YAP1: variants seen among roughly 807,000 people sequenced by gnomAD.
The protein encoded by YAP1 is Yes1 associated transcriptional regulator, also known as transcriptional coactivator YAP1.
A neutral mutation model predicts 56.9 loss-of-function variants in YAP1; 5 were observed. The observed-to-expected ratio is 0.09, with a 90% confidence interval of 0.05 to 0.18. The LOEUF (loss-of-function observed/expected upper bound fraction) is 0.18. YAP1 is among the 10% of genes least tolerant of loss of function. The pLI is 1.00. For missense variants in YAP1, 539 were observed against 651.8 expected, an observed-to-expected ratio of 0.83 and a Z score of 1.88; for synonymous variants, 265 against 248.1, an observed-to-expected ratio of 1.07 and a Z score of -0.64.
intron 2 of YAP1, among the ~76,000 whole-genome samples, chr11:102,143,426 G>A (rs1945129931): frequency 6.6e-6 from 1 of 152,076 alleles, no homozygotes; most frequent in Admixed American, 6.6e-5. Context: ...GATATGATTG[G>A]CATATACTTT....
Position 102,229,748 on chromosome 11 carries a change from C to G in YAP1, c.1323C>G (p.Phe441Leu). 6.2e-7 allele frequency: 1 copy of G among 1,614,136 alleles called. No individual in the cohort carries two copies. Among genetic ancestry groups the G allele is most frequent in the Non-Finnish European group, 8.5e-7 (1 of 1,179,992 alleles). ...CCCTGCCCTCACAGCAGAACCGTTT[C>G]CCAGACTACCTTGAAGCCATTCCTG... Reference protein sequence around the residue: ...QSTLPSQQNRFPDYLEAIPGT... With the variant: ...QSTLPSQQNRLPDYLEAIPGT... Residue 441 changes from phenylalanine (F) to leucine (L), a missense_variant, in exon 9 of 9, where the codon TTC becomes TTG. Transcript: ENST00000282441.
intron 6 of YAP1, among the ~76,000 whole-genome samples, chr11:102,222,342 C>T (rs576068547): frequency 1.3e-5 from 2 of 152,132 alleles, no homozygotes; most frequent in Admixed American, 6.5e-5. Flanking sequence ...ATGATGTTTA[C>T]GATAGGTGGA....
At chr11:102,193,809 TAG>T (rs1948426933) in intron 4 of YAP1, among the ~76,000 whole-genome samples, 1 of 151,954 alleles carries the variant, frequency 6.6e-6, no homozygotes, top group South Asian at 2.1e-4. Flanking sequence ...AGACCTTACA[TAG>T]TTTTTTGGGG....
intron 2 of YAP1, among the ~76,000 whole-genome samples, chr11:102,157,526 A>G (rs1205109660): frequency 1.3e-5 from 2 of 152,218 alleles, no homozygotes; most frequent in Non-Finnish European, 2.9e-5. Context: ...AACAATATTA[A>G]AAGCTTAAAA....
At chr11:102,171,824 G>A (rs1451281858) in intron 3 of YAP1, among the ~76,000 whole-genome samples, 1 of 152,046 alleles carries the variant, frequency 6.6e-6, no homozygotes, top group Non-Finnish European at 1.5e-5. Flanking sequence ...AATATCAAAT[G>A]CCCTGCTTTA....
chr11:102,130,521 G>C (rs1366618949), intron 2 of YAP1, among the ~76,000 whole-genome samples: 1 of 151,822 alleles, frequency 6.6e-6, no homozygotes, highest in African/African-American at 2.4e-5. Context: ...CTCCACCTCA[G>C]CCTCCTGAAT....
intron 2 of YAP1, among the ~76,000 whole-genome samples, chr11:102,132,121 A>C (rs1386778756): frequency 2.0e-5 from 3 of 152,170 alleles, no homozygotes; most frequent in African/African-American, 7.2e-5. Context: ...CTGTGTCAAA[A>C]AAAATAAAAA....
chr11:102,111,591 G>A (rs1481273291), intron 1 of YAP1, among the ~76,000 whole-genome samples: 2 of 151,430 alleles, frequency 1.3e-5, no homozygotes, highest in African/African-American at 2.4e-5. Context: ...CTTCGCTCCC[G>A]CCGGGCCGGG....
chr11:102,154,527 C>T (rs1945835367), intron 2 of YAP1, among the ~76,000 whole-genome samples: 1 of 151,922 alleles, frequency 6.6e-6, no homozygotes, highest in Non-Finnish European at 1.5e-5. Flanking sequence ...GAGAAAAACA[C>T]AGCATGTTAT....
At chr11:102,194,472 G>A (rs1591381688) in intron 4 of YAP1, among the ~76,000 whole-genome samples, 1 of 152,296 alleles carries the variant, frequency 6.6e-6, no homozygotes, top group East Asian at 1.9e-4. Flanking sequence ...ACTAGGGAGA[G>A]AAACTATTTT....
At chr11:102,199,112 G>A (rs1165460626) in intron 4 of YAP1, among the ~76,000 whole-genome samples, 5 of 152,178 alleles carry the variant, frequency 3.3e-5, no homozygotes, top group Non-Finnish European at 4.4e-5. Context: ...GGTTTAGAAA[G>A]AAGTTCTGCA....
intron 1 of YAP1, among the ~76,000 whole-genome samples, chr11:102,112,128 C>CGT (rs1942973238): frequency 1.3e-5 from 2 of 152,234 alleles, no homozygotes; most frequent in Non-Finnish European, 2.9e-5. Context: ...GGTTTTAACA[C>CGT]AAGCCTTTGA....
chr11:102,174,688 G>A (rs2135453144), intron 3 of YAP1, among the ~76,000 whole-genome samples: 1 of 152,188 alleles, frequency 6.6e-6, no homozygotes, highest in South Asian at 2.1e-4. Context: ...TCTTAATCAT[G>A]TCAGCTCAGC....
chr11:102,195,361 G>A (rs997815259), intron 4 of YAP1, among the ~76,000 whole-genome samples: 2 of 152,142 alleles, frequency 1.3e-5, no homozygotes, highest in South Asian at 2.1e-4. Context: ...GGAGGAGGGG[G>A]AAGTTGAATT....
chr11:102,233,407 T>C lies in YAP1; in HGVS notation c.*3467T>C, dbSNP rs1950493191. On this transcript the variant is annotated 3_prime_UTR_variant, in exon 9 of 9. Transcript: ENST00000282441. ...GTTTGTTTATGTGGTTCAAATATATTCTTTCCTTAAACTCTTCTTTGTTGT... is the reference window on the plus strand; with the variant it reads ...GTTTGTTTATGTGGTTCAAATATATCCTTTCCTTAAACTCTTCTTTGTTGT... 6.6e-6 allele frequency: 1 copy of C among 152,190 alleles called. No homozygotes were observed. Among genetic ancestry groups the C allele is most frequent in the Non-Finnish European group, 1.5e-5 (1 of 68,038 alleles). 9.4% of individuals were successfully genotyped at this position (152,190 alleles called of 1,614,324 possible).
At chr11:102,224,873 A>G (rs1039817776) in intron 7 of YAP1, among the ~76,000 whole-genome samples, 1 of 152,184 alleles carries the variant, frequency 6.6e-6, no homozygotes, top group Non-Finnish European at 1.5e-5. Flanking sequence ...TTTTCCAACA[A>G]GGAAAATTTC....
chr11:102,128,189 T>C (rs1340313576), intron 2 of YAP1, among the ~76,000 whole-genome samples: 6 of 152,024 alleles, frequency 3.9e-5, no homozygotes, highest in African/African-American at 1.5e-4. Context: ...GACATGAGAT[T>C]TGGAGGGGCC....
At chr11:102,159,356 T>C (rs1946137946) in intron 2 of YAP1, among the ~76,000 whole-genome samples, 2 of 152,216 alleles carry the variant, frequency 1.3e-5, no homozygotes, top group Non-Finnish European at 2.9e-5. Flanking sequence ...CCTAAGCTGA[T>C]AGCTCTCTGC....
intron 3 of YAP1, among the ~76,000 whole-genome samples, chr11:102,180,040 G>A (rs964042965): frequency 5.7e-4 from 72 of 127,388 alleles, no homozygotes; most frequent in African/African-American, 1.2e-3. Context: ...ATGGAGTCTC[G>A]CATCCGTCGT....
Sources: gnomAD v4.1 joint callset for allele counts (sites outside exome capture counted in the v4.1 genomes callset) on GRCh38, gnomAD v4.1.1 for gene constraint, MANE v1.5 for transcripts, NCBI Gene and HGNC (gene_info 2026-07-23, HGNC 2026-07-21) for gene names.